Variants in DDAH1 observed in about 807,000 individuals in gnomAD.
DDAH1 encodes the protein N(G),N(G)-dimethylarginine dimethylaminohydrolase 1.
A neutral mutation model predicts 28.8 loss-of-function variants in DDAH1; 19 were observed. The ratio of observed to expected loss-of-function variants is 0.66; its 90% CI spans 0.46 to 0.97. The LOEUF is 0.97. Among genes scored for constraint, DDAH1 ranks in the 50% least tolerant of loss-of-function variants. The pLI is 0.00. For missense variants in DDAH1, 326 were observed against 375.9 expected, an observed-to-expected ratio of 0.87 and a Z score of 1.10; for synonymous variants, 153 against 154.4, an observed-to-expected ratio of 0.99 and a Z score of 0.07.
chr1:85,359,788 T>C (rs1202446938), intron 1 of DDAH1, among the ~76,000 whole-genome samples: 1 of 152,200 alleles, frequency 6.6e-6, no homozygotes, highest in Non-Finnish European at 1.5e-5. Context: ...TTTCAGGAAT[T>C]TGTATGATTC....
At chr1:85,489,036 T>G (rs1656296867) in intron 2 of DDAH1, among the ~76,000 whole-genome samples, 1 of 152,214 alleles carries the variant, frequency 6.6e-6, no homozygotes, top group South Asian at 2.1e-4. Flanking sequence ...ATAGTCAACT[T>G]GCACCCAGCT....
chr1:85,378,540 C>T (rs1267467418), intron 1 of DDAH1, among the ~76,000 whole-genome samples: 1 of 152,190 alleles, frequency 6.6e-6, no homozygotes, highest in African/African-American at 2.4e-5. Context: ...TCCCTAGTAG[C>T]TGGGACCATA....
intron 4 of DDAH1, among the ~76,000 whole-genome samples, chr1:85,339,290 C>T (rs899793343): frequency 2.0e-5 from 3 of 152,148 alleles, no homozygotes; most frequent in African/African-American, 7.2e-5. Flanking sequence ...CGATGAGTCA[C>T]CTCTCAGTAT....
intron 5 of DDAH1, among the ~76,000 whole-genome samples, chr1:85,322,209 G>A (rs906710139): frequency 6.6e-6 from 1 of 152,120 alleles, no homozygotes; most frequent in African/African-American, 2.4e-5. Flanking sequence ...ACAGGCATAA[G>A]CCACCACACT....
At chr1:85,369,220 CA>C (rs1650246824) in intron 1 of DDAH1, among the ~76,000 whole-genome samples, 3 of 146,754 alleles carry the variant, frequency 2.0e-5, no homozygotes, top group East Asian at 2.0e-4. Flanking sequence ...GCCCAATGGC[CA>C]ATTTTTTTTT....
intron 1 of DDAH1, among the ~76,000 whole-genome samples, chr1:85,430,282 T>G (rs1299358038): frequency 6.6e-6 from 1 of 152,232 alleles, no homozygotes; most frequent in Non-Finnish European, 1.5e-5. Flanking sequence ...ACTAGTACCA[T>G]GCTGTTTTGG....
intron 1 of DDAH1, among the ~76,000 whole-genome samples, chr1:85,551,700 T>C (rs903917681): frequency 1.3e-5 from 2 of 152,194 alleles, no homozygotes; most frequent in Non-Finnish European, 2.9e-5. Context: ...ATGGGACAGA[T>C]GTTATGACAG....
rs1260013490 is a variant in DDAH1 at position 85,374,191 on chromosome 1, G to A, written c.304-15344C>T. Among the ~76,000 whole-genome samples, 4 of 152,022 alleles carry A rather than the reference G, an allele frequency of 2.6e-5. 1 individual carries two copies. Among genetic ancestry groups the A allele is most frequent in the Non-Finnish European group, 5.9e-5 (4 of 68,010 alleles). On this transcript the variant is annotated intron_variant, in intron 1 of 5. Transcript: ENST00000284031. ...GGTTATCCACCCCTGGTTCACCTGTGGTCTACTCCATCCAGGCTCTCACTG... is the reference window on the plus strand; with the variant it reads ...GGTTATCCACCCCTGGTTCACCTGTAGTCTACTCCATCCAGGCTCTCACTG...
chr1:85,481,098 GTT>G (rs71075839), intron 2 of DDAH1, among the ~76,000 whole-genome samples: 2 of 113,452 alleles, frequency 1.8e-5, no homozygotes, highest in Non-Finnish European at 1.8e-5. Flanking sequence ...TGGGTTTTTT[GTT>G]TTTTTTTTTT....
chr1:85,419,710 T>G (rs924655594), intron 1 of DDAH1, among the ~76,000 whole-genome samples: 2 of 152,168 alleles, frequency 1.3e-5, no homozygotes, highest in Non-Finnish European at 2.9e-5. Flanking sequence ...GATGCATTTG[T>G]TACCATATAT....
At chr1:85,525,044 A>C (rs1428464853) in intron 1 of DDAH1, among the ~76,000 whole-genome samples, 45 of 143,664 alleles carry the variant, frequency 3.1e-4, no homozygotes, top group Non-Finnish European at 6.5e-4. Flanking sequence ...AATGCTATAG[A>C]AAATATAGTA....
Position 85,464,561 on chromosome 1 carries a change from T to G in DDAH1, c.303+182A>C. 2 of 1,528,458 alleles carry G rather than the reference T, an allele frequency of 1.3e-6. No individual in the cohort carries two copies. The highest frequency in any genetic ancestry group is 1.7e-6 in the Non-Finnish European group (2 of 1,143,374). 94.7% of individuals were successfully genotyped at this position (1,528,458 alleles called of 1,614,324 possible). A position where few individuals can be genotyped will look rare whatever the true frequency, so the allele number is the denominator to read the frequency against. On this transcript the variant is annotated intron_variant, in intron 1 of 5. Coordinates refer to ENST00000284031, the MANE Select transcript of DDAH1 (RefSeq NM_012137.4). This position sits in a 1 kb window ranked among gnomAD's most constrained non-coding sequence, Gnocchi z 4.4. Reference sequence around the variant, plus strand: ...GAAGGCTGCCGGCAGCCGGGAGGTGTGAACAATGAACTTCTCTCTGACTCT... The same window carrying G: ...GAAGGCTGCCGGCAGCCGGGAGGTGGGAACAATGAACTTCTCTCTGACTCT...
intron 4 of DDAH1, among the ~76,000 whole-genome samples, chr1:85,341,363 A>T (rs1242687743): frequency 6.6e-6 from 1 of 152,228 alleles, no homozygotes; most frequent in Non-Finnish European, 1.5e-5. Context: ...TTTTCCTATC[A>T]GAGTTTTATG....
At chr1:85,470,367 A>T (rs1302413685) in intron 2 of DDAH1, among the ~76,000 whole-genome samples, 1 of 152,218 alleles carries the variant, frequency 6.6e-6, no homozygotes, top group Non-Finnish European at 1.5e-5. Flanking sequence ...AGACTTATTC[A>T]GTACCACAAG....
intron 1 of DDAH1, among the ~76,000 whole-genome samples, chr1:85,557,339 C>T (rs1454887189): frequency 6.6e-6 from 1 of 152,162 alleles, no homozygotes; most frequent in Non-Finnish European, 1.5e-5. Flanking sequence ...GGCTATGTGA[C>T]ATGCACTATT....
At chr1:85,449,596 C>T (rs1221222522) in intron 1 of DDAH1, among the ~76,000 whole-genome samples, 1 of 152,130 alleles carries the variant, frequency 6.6e-6, no homozygotes, top group Non-Finnish European at 1.5e-5. Flanking sequence ...ATTTAAAGTG[C>T]TGGCACCCAG....
chr1:85,320,206 C>A lies in DDAH1; in HGVS notation c.*1246G>T, dbSNP rs1661266131. On this transcript the variant is annotated 3_prime_UTR_variant, in exon 6 of 6. Transcript: ENST00000284031. ...TCTTTGTAAGAGATCCGTGTCAGTT[C>A]AAAGTTGTGTAATTTAAAGGCTAGA... is the stretch of plus-strand genomic sequence containing the variant. 1 of 152,552 alleles carries A rather than the reference C, an allele frequency of 6.6e-6. No homozygotes were observed. The highest frequency in any genetic ancestry group is 2.4e-5 in the African/African-American group (1 of 41,414). The allele number at this position is 152,552 out of a possible 1,614,324, so 9.4% of individuals were successfully genotyped here.
At chr1:85,488,718 T>A (rs1310582081) in intron 2 of DDAH1, among the ~76,000 whole-genome samples, 1 of 152,158 alleles carries the variant, frequency 6.6e-6, no homozygotes, top group Non-Finnish European at 1.5e-5. Context: ...TCCTTAATCA[T>A]TTTTTTGCTA....
intron 1 of DDAH1, among the ~76,000 whole-genome samples, chr1:85,528,425 A>G (rs1657946580): frequency 1.3e-5 from 2 of 152,204 alleles, no homozygotes; most frequent in South Asian, 4.2e-4. Flanking sequence ...AGTAAATAAA[A>G]TATTATAGGG....
Sources: gnomAD v4.1 joint callset for allele counts (sites outside exome capture counted in the v4.1 genomes callset) on GRCh38, gnomAD v4.1.1 for gene constraint, Gnocchi (gnomAD v3.1) non-coding constraint, MANE v1.5 for transcripts, NCBI Gene and HGNC (gene_info 2026-07-23, HGNC 2026-07-21) for gene names.